The following CTNNA2 variants were observed in gnomAD, a reference collection of about 807,000 sequenced individuals.
CTNNA2 encodes the protein catenin alpha 2, also known as catenin alpha-2.
Under a neutral mutation model 101.0 loss-of-function variants are expected in CTNNA2, and 42 were observed. That is an observed-to-expected ratio of 0.42 (90% CI 0.32 to 0.54). CTNNA2 has a LOEUF of 0.54. Among genes scored for constraint, CTNNA2 ranks in the 20% least tolerant of loss-of-function variants. The pLI is 0.14. For missense variants in CTNNA2, 871 were observed against 1,223.1 expected (o/e 0.71, Z 4.29); for synonymous variants, 450 against 456.4 (o/e 0.99, Z 0.18).
intron 7 of CTNNA2, chr2:80,162,858 A>G (rs1021970933): frequency 6.3e-7 from 1 of 1,595,650 alleles, no homozygotes; most frequent in Non-Finnish European, 8.6e-7. Context: ...TCTCTGAATT[A>G]TCTGTGCTGA....
At chr2:80,455,411 A>G (rs1683882668) in intron 9 of CTNNA2, among the ~76,000 whole-genome samples, 1 of 152,210 alleles carries the variant, frequency 6.6e-6, no homozygotes, top group Non-Finnish European at 1.5e-5. Context: ...AGCCAAAGTG[A>G]GGGAAACAGA....
Position 79,886,601 on chromosome 2 carries a change from ATTAG to A in CTNNA2, c.852+12264_852+12267del, listed in dbSNP as rs1160179253. On this transcript the variant is annotated intron_variant, in intron 6 of 18. Coordinates refer to ENST00000402739, the MANE Select transcript of CTNNA2 (RefSeq NM_001282597.3). Reference sequence around the variant, plus strand: ...CCCGTCTCTACTAAAAATACAAAAAATTAGTTAGGCGTGGTGGCGGGCACCTGTA... The same window carrying A: ...CCCGTCTCTACTAAAAATACAAAAAATTAGGCGTGGTGGCGGGCACCTGTA... 9.9e-5 allele frequency among the ~76,000 whole-genome samples: 15 copies of A among 151,202 alleles called. No homozygotes were observed. The East Asian group carries it at 2.6e-3, about 26-fold the overall frequency.
chr2:80,259,262 C>G (rs1387046610), intron 7 of CTNNA2, among the ~76,000 whole-genome samples: 1 of 152,134 alleles, frequency 6.6e-6, no homozygotes, highest in Non-Finnish European at 1.5e-5. Flanking sequence ...AACATTGACC[C>G]CATTTATTCC....
chr2:79,902,369 C>T (rs1201639838), intron 6 of CTNNA2, among the ~76,000 whole-genome samples: 1 of 152,134 alleles, frequency 6.6e-6, no homozygotes, highest in Non-Finnish European at 1.5e-5. Context: ...GCTACATCTA[C>T]TTGACATCTA....
At chr2:79,270,413 G>T (rs1349168872) in intron 2 of CTNNA2, among the ~76,000 whole-genome samples, 1 of 151,964 alleles carries the variant, frequency 6.6e-6, no homozygotes, top group Non-Finnish European at 1.5e-5. Flanking sequence ...TCAGAGTGAC[G>T]CCAGTCCCAA....
intron 2 of CTNNA2, among the ~76,000 whole-genome samples, chr2:79,678,236 T>C (rs551891878): frequency 5.4e-4 from 82 of 152,238 alleles, no homozygotes; most frequent in African/African-American, 1.9e-3. Flanking sequence ...CATCACATTT[T>C]AAGGTAAAAG....
intron 7 of CTNNA2, among the ~76,000 whole-genome samples, chr2:80,242,074 G>T (rs577365532): frequency 6.6e-6 from 1 of 152,122 alleles, no homozygotes; most frequent in Non-Finnish European, 1.5e-5. Flanking sequence ...CAAAATCACC[G>T]TGAAACTTCC....
chr2:79,582,007 T>C (rs555216732), intron 1 of CTNNA2, among the ~76,000 whole-genome samples: 1 of 152,178 alleles, frequency 6.6e-6, no homozygotes, highest in Non-Finnish European at 1.5e-5. Flanking sequence ...GCATGAGAGA[T>C]AATATACACA....
chr2:79,222,539 G>A (rs1368443218), intron 2 of CTNNA2, among the ~76,000 whole-genome samples: 2 of 152,126 alleles, frequency 1.3e-5, no homozygotes, highest in East Asian at 3.9e-4. Flanking sequence ...GCACAGGTGG[G>A]GGACCTGAGA....
At chr2:80,102,703 G>A (rs963647728) in intron 7 of CTNNA2, among the ~76,000 whole-genome samples, 4 of 151,978 alleles carry the variant, frequency 2.6e-5, no homozygotes, top group African/African-American at 9.7e-5. Flanking sequence ...GTAGAGACGG[G>A]GTTTCACCAT....
At position 80,137,193 on chromosome 2, in the gene CTNNA2, A is replaced by G. The variant is rs75733758; in HGVS notation, c.1056+227396A>G. ...TTATCTTATAAGGCAGAATACAGATATTTTGAGAAACCTACCACAGTCCAA... is the reference window on the plus strand; with the variant it reads ...TTATCTTATAAGGCAGAATACAGATGTTTTGAGAAACCTACCACAGTCCAA... On this transcript the variant is annotated intron_variant, in intron 7 of 18. Coordinates refer to ENST00000402739, the MANE Select transcript of CTNNA2 (RefSeq NM_001282597.3). 4.7e-4 allele frequency among the ~76,000 whole-genome samples: 71 copies of G among 152,286 alleles called. No individual in the cohort carries two copies. In the East Asian group the frequency reaches 0.013, roughly 29 times the overall value.
chr2:80,631,944 A>T (rs1364827831), intron 18 of CTNNA2, among the ~76,000 whole-genome samples: 1 of 152,102 alleles, frequency 6.6e-6, no homozygotes, highest in Non-Finnish European at 1.5e-5. Flanking sequence ...ATTGGTTGGG[A>T]GGGTCAATAT....
chr2:80,475,813 A>G (rs533564128), intron 9 of CTNNA2, among the ~76,000 whole-genome samples: 14 of 152,170 alleles, frequency 9.2e-5, no homozygotes, highest in Admixed American at 2.0e-4. Context: ...GAATATTGCC[A>G]CATATGGAAT....
At chr2:79,393,630 A>G (rs1030848195) in intron 4 of CTNNA2, among the ~76,000 whole-genome samples, 1 of 123,252 alleles carries the variant, frequency 8.1e-6, no homozygotes, top group Admixed American at 7.5e-5. Flanking sequence ...TTCACAGAGA[A>G]AAAAAAAAAA....
intron 8 of CTNNA2, among the ~76,000 whole-genome samples, chr2:80,403,919 T>C (rs1678815131): frequency 6.6e-6 from 1 of 152,244 alleles, no homozygotes; most frequent in Non-Finnish European, 1.5e-5. Context: ...ATTTATTGAT[T>C]TGTGTATGTT....
rs544957689 is a variant in CTNNA2, at chr2:79,935,769, G to A, written c.1056+25972G>A. 4.6e-5 allele frequency among the ~76,000 whole-genome samples: 7 copies of A among 152,342 alleles called. No homozygotes were observed. In the South Asian group the frequency reaches 1.0e-3, roughly 23 times the overall value. On this transcript the variant is annotated intron_variant, in intron 7 of 18. Coordinates refer to ENST00000402739, the MANE Select transcript of CTNNA2 (RefSeq NM_001282597.3). The stretch of plus-strand genomic sequence containing the variant: ...GTTTGCTGATTATTTTCGAAAGAAT[G>A]TTGACAGAGGCCTGGCAGTAATAAA...
intron 7 of CTNNA2, among the ~76,000 whole-genome samples, chr2:79,998,627 A>G (rs965713336): frequency 6.6e-6 from 1 of 152,174 alleles, no homozygotes; most frequent in Non-Finnish European, 1.5e-5. Flanking sequence ...AAACTTTAAA[A>G]TTATGCAGTG....
Position 80,546,068 on chromosome 2 carries a change from T to A in CTNNA2, c.1540+5T>A, listed in dbSNP as rs761621612. The A allele has an allele frequency of 1.9e-6, 3 of 1,613,486 alleles. No homozygotes were observed. Among genetic ancestry groups the A allele is most frequent in the Non-Finnish European group, 2.5e-6 (3 of 1,179,882 alleles). ...ATGACTTCCTCTCTGTCTCAGGTAA[T>A]CATCACAAACAGGTCCCTTACAAGG... On this transcript the variant is annotated splice_donor_5th_base_variant and intron_variant, in intron 11 of 18. Transcript: ENST00000402739.
intron 2 of CTNNA2, among the ~76,000 whole-genome samples, chr2:79,727,599 T>C (rs1686927897): frequency 6.6e-6 from 1 of 152,046 alleles, no homozygotes; most frequent in Non-Finnish European, 1.5e-5. Flanking sequence ...TATTATACTT[T>C]AAGTTTTAGG....
Sources: gnomAD v4.1 joint callset for allele counts (sites outside exome capture counted in the v4.1 genomes callset) on GRCh38, gnomAD v4.1.1 for gene constraint, MANE v1.5 for transcripts, NCBI Gene and HGNC (gene_info 2026-07-23, HGNC 2026-07-21) for gene names.